Variants in PELI2 observed in about 807,000 individuals in gnomAD.
The protein encoded by PELI2 is pellino E3 ubiquitin protein ligase family member 2.
PELI2 carries 23 observed loss-of-function variants against 42.3 expected under a neutral mutation model. That is an observed-to-expected ratio of 0.54 (90% CI 0.39 to 0.77). The LOEUF is 0.77. Ranked by LOEUF, PELI2 falls within the 30% of genes least tolerant of loss-of-function variation. PELI2 has a pLI of 0.00. For missense variants in PELI2, 463 were observed against 553.2 expected, an observed-to-expected ratio of 0.84 and a Z score of 1.64; for synonymous variants, 245 against 212.2, an observed-to-expected ratio of 1.15 and a Z score of -1.34.
At chr14:56,134,639 C>T (rs139687418) in intron 1 of PELI2, among the ~76,000 whole-genome samples, 126 of 152,238 alleles carry the variant, frequency 8.3e-4, no homozygotes, top group African/African-American at 2.9e-3. Context: ...CTCCACTCTG[C>T]TCCTATGTTG....
intron 2 of PELI2, among the ~76,000 whole-genome samples, chr14:56,213,860 G>C (rs563566658): frequency 6.6e-6 from 1 of 152,028 alleles, no homozygotes; most frequent in African/African-American, 2.4e-5. Flanking sequence ...TTTTGGTTTT[G>C]GGTTTTTTTG....
chr14:56,161,322 G>A (rs1260800250), intron 1 of PELI2, among the ~76,000 whole-genome samples: 3 of 148,478 alleles, frequency 2.0e-5, no homozygotes, highest in Non-Finnish European at 4.5e-5. Context: ...GGTGGTGGTT[G>A]TTTTTGAAAC....
At position 56,168,746 on chromosome 14, in the gene PELI2, T is replaced by C. The variant is rs72714369; in HGVS notation, c.78-9589T>C. Among the ~76,000 whole-genome samples the C allele has an allele frequency of 2.7e-3, 413 of 150,258 alleles. 1 individual carries two copies. The highest frequency in any genetic ancestry group is 4.9e-3 in the Non-Finnish European group (327 of 67,406). ...CTGCCTTTGTCAAGCAGAAGGAGTTTTGCCCCATAGCTACCACAGCTGGGA... is the reference window on the plus strand; with the variant it reads ...CTGCCTTTGTCAAGCAGAAGGAGTTCTGCCCCATAGCTACCACAGCTGGGA... On this transcript the variant is annotated intron_variant, in intron 1 of 5. Transcript: ENST00000267460.
Position 56,214,503 on chromosome 14 carries a change from C to G in PELI2, c.207+36039C>G, listed in dbSNP as rs548548649. The stretch of plus-strand genomic sequence containing the variant: ...ATTTTAATCTCTCTTCCTCTCCCAG[C>G]CCCTCTCCTGAGTATGTCCAGAATT... On this transcript the variant is annotated intron_variant, in intron 2 of 5. Transcript: ENST00000267460. Among the ~76,000 whole-genome samples, 5 of 152,264 alleles carry G rather than the reference C, an allele frequency of 3.3e-5. No individual in the cohort carries two copies. The South Asian group carries it at 1.0e-3, about 32-fold the overall frequency.
In PELI2 at chr14:56,251,216, G is replaced by A. The variant is rs1257423889; in HGVS notation, c.208-28460G>A. Reference sequence around the variant, plus strand: ...GGCAGCAGGAGCTCAGCCTGGGAGGGCCATCGGCAGAGGCTCCTTCAGAGC... The same window carrying A: ...GGCAGCAGGAGCTCAGCCTGGGAGGACCATCGGCAGAGGCTCCTTCAGAGC... On this transcript the variant is annotated intron_variant, in intron 2 of 5. Transcript: ENST00000267460. Among the ~76,000 whole-genome samples the A allele has an allele frequency of 2.6e-5, 4 of 152,204 alleles. No homozygotes were observed. The South Asian group carries it at 6.2e-4, about 24-fold the overall frequency.
chr14:56,180,630 T>A lies in PELI2; in HGVS notation c.207+2166T>A, dbSNP rs538471862. Reference sequence around the variant, plus strand: ...TTGTGAGCAGATCAACCACACCATGTTGCCTTTCAGACTCTCAAACTCTCG... The same window carrying A: ...TTGTGAGCAGATCAACCACACCATGATGCCTTTCAGACTCTCAAACTCTCG... On this transcript the variant is annotated intron_variant, in intron 2 of 5. Coordinates refer to ENST00000267460, the MANE Select transcript of PELI2 (RefSeq NM_021255.3). The surrounding 1 kb of genome is among the most constrained non-coding windows in gnomAD (Gnocchi z 4.4). 6.6e-6 allele frequency among the ~76,000 whole-genome samples: 1 copy of A among 152,336 alleles called. No individual in the cohort carries two copies. Among genetic ancestry groups the A allele is most frequent in the South Asian group, 2.1e-4 (1 of 4,830 alleles).
intron 1 of PELI2, among the ~76,000 whole-genome samples, chr14:56,138,833 T>C (rs1883785823): frequency 6.6e-6 from 1 of 152,232 alleles, no homozygotes; most frequent in Admixed American, 6.5e-5. Flanking sequence ...ATAGTGTGAT[T>C]ATGGAAACGC....
In PELI2 at chr14:56,219,843, G is replaced by C. The variant is rs546209590; in HGVS notation, c.207+41379G>C. ...CCCATTCCACAGCGGACTTGAGGCA[G>C]CTGACATTCTTACAGAAAGAGTCCC... On this transcript the variant is annotated intron_variant, in intron 2 of 5. Coordinates refer to ENST00000267460, the MANE Select transcript of PELI2 (RefSeq NM_021255.3). This position sits in a 1 kb window ranked among gnomAD's most constrained non-coding sequence, Gnocchi z 4.1. 7.2e-5 allele frequency among the ~76,000 whole-genome samples: 11 copies of C among 152,308 alleles called. No homozygotes were observed. Among genetic ancestry groups the C allele is most frequent in the African/African-American group, 2.2e-4 (9 of 41,568 alleles).
chr14:56,154,346 T>C (rs911365138), intron 1 of PELI2, among the ~76,000 whole-genome samples: 1 of 152,218 alleles, frequency 6.6e-6, no homozygotes, highest in African/African-American at 2.4e-5. Context: ...CCAAATCTCA[T>C]CTGAAATTGT....
chr14:56,119,801 AC>A, intron 1 of PELI2: 1 of 984,838 alleles, frequency 1.0e-6, no homozygotes. Context: ...CGCTCTGGGA[AC>A]CCGCGCTTTT....
Position 56,296,034 on chromosome 14 carries a change from C to A in PELI2, c.697-566C>A, listed in dbSNP as rs80346890. On this transcript the variant is annotated intron_variant, in intron 5 of 5. Transcript: ENST00000267460. ...AGCACTTAGTGCATAGCACAGGCCT[C>A]CTTCTAAAAATGAAGGCTCATGTTG... Among the ~76,000 whole-genome samples, 726 of 152,346 alleles carry A rather than the reference C, an allele frequency of 4.8e-3. 7 individuals are homozygous for A. The highest frequency in any genetic ancestry group is 0.017 in the African/African-American group (693 of 41,582).
intron 5 of PELI2, among the ~76,000 whole-genome samples, chr14:56,295,164 C>T (rs565909773): frequency 2.4e-4 from 36 of 152,314 alleles, no homozygotes; most frequent in African/African-American, 8.2e-4. Context: ...CTCACCCTCT[C>T]TACCCAGAGA....
chr14:56,202,184 T>G (rs903788068), intron 2 of PELI2, among the ~76,000 whole-genome samples: 1 of 152,198 alleles, frequency 6.6e-6, no homozygotes, highest in African/African-American at 2.4e-5. Flanking sequence ...TGTTAAAAAA[T>G]ACTTCATTGT....
At chr14:56,153,979 TA>T (rs1884459952) in intron 1 of PELI2, among the ~76,000 whole-genome samples, 2 of 152,218 alleles carry the variant, frequency 1.3e-5, no homozygotes, top group African/African-American at 4.8e-5. Flanking sequence ...CATTAGAAAT[TA>T]AAACAATGAA....
chr14:56,230,673 T>G (rs1887527962), intron 2 of PELI2, among the ~76,000 whole-genome samples: 1 of 152,182 alleles, frequency 6.6e-6, no homozygotes, highest in South Asian at 2.1e-4. Context: ...CCATTGATGC[T>G]AGGAAGAAAC....
At chr14:56,161,437 G>C (rs553805683) in intron 1 of PELI2, among the ~76,000 whole-genome samples, 1 of 152,126 alleles carries the variant, frequency 6.6e-6, no homozygotes, top group South Asian at 2.1e-4. Context: ...ACCACACCCA[G>C]CTAAGTTTTG....
intron 2 of PELI2, among the ~76,000 whole-genome samples, chr14:56,225,556 T>G (rs140709848): frequency 9.4e-4 from 143 of 152,200 alleles, no homozygotes; most frequent in East Asian, 8.5e-3. Flanking sequence ...CTGTGCTAGC[T>G]GTGGGGGTGG....
chr14:56,247,630 G>T (rs990813357), intron 2 of PELI2, among the ~76,000 whole-genome samples: 1 of 152,090 alleles, frequency 6.6e-6, no homozygotes, highest in Admixed American at 6.6e-5. Flanking sequence ...ACCTACTTTC[G>T]TTAACATCTT....
At chr14:56,171,557 C>G (rs751798063) in intron 1 of PELI2, among the ~76,000 whole-genome samples, 1 of 152,184 alleles carries the variant, frequency 6.6e-6, no homozygotes, top group Non-Finnish European at 1.5e-5. Flanking sequence ...CATTGCCTAC[C>G]GTGTGTCCCT....
Sources: allele counts gnomAD v4.1 joint callset (sites outside exome capture counted in the v4.1 genomes callset), GRCh38; gene constraint gnomAD v4.1.1; non-coding constraint Gnocchi (gnomAD v3.1); transcripts MANE v1.5; gene names NCBI Gene and HGNC (gene_info 2026-07-23, HGNC 2026-07-21).